Variants in KCNH7 observed in about 807,000 individuals in gnomAD.
KCNH7 encodes potassium voltage-gated channel subfamily H member 7, also known as voltage-gated inwardly rectifying potassium channel KCNH7.
In KCNH7, 49 loss-of-function variants were observed where a neutral mutation model predicts 120.8. The observed-to-expected ratio is 0.41, with a 90% CI of 0.32 to 0.51. The LOEUF is 0.51. Among genes scored for constraint, KCNH7 ranks in the 20% least tolerant of loss-of-function variants. KCNH7 has a pLI of 0.38. For synonymous variants in KCNH7, 547 were observed against 516.1 expected (o/e 1.06, Z -0.81); for missense variants, 1,097 against 1,446.6 (o/e 0.76, Z 3.92).
chr2:162,565,958 A>G (rs192611807), intron 2 of KCNH7, among the ~76,000 whole-genome samples: 1 of 152,226 alleles, frequency 6.6e-6, no homozygotes, highest in Admixed American at 6.6e-5. Flanking sequence ...AAAGAGTATA[A>G]TAGCTATAAG....
chr2:162,572,910 G>A (rs1365944795), intron 2 of KCNH7, among the ~76,000 whole-genome samples: 2 of 152,022 alleles, frequency 1.3e-5, no homozygotes, highest in Non-Finnish European at 2.9e-5. Context: ...GGTGGGAGAA[G>A]GGCGGAGGGA....
rs2105399549 is a variant in KCNH7, at chr2:162,378,672, T to G, written c.3131+1181A>C. On this transcript the variant is annotated intron_variant, in intron 14 of 15. Coordinates refer to ENST00000332142, the MANE Select transcript of KCNH7 (RefSeq NM_033272.4). ...ACATAGAGATGGAAAGAACAAATTA[T>G]TCTCAGGTCACCTCTAGGTAAACAA... 2.6e-5 allele frequency among the ~76,000 whole-genome samples: 4 copies of G among 152,326 alleles called. No individual in the cohort carries two copies. The Middle Eastern group carries it at 0.014, about 518-fold the overall frequency.
chr2:162,569,259 A>G (rs1231825478), intron 2 of KCNH7, among the ~76,000 whole-genome samples: 2 of 151,830 alleles, frequency 1.3e-5, no homozygotes, highest in African/African-American at 4.8e-5. Flanking sequence ...TAGTCTTGGG[A>G]GAGTGTATGT....
chr2:162,720,792 CTTGT>C (rs1170143161), intron 2 of KCNH7, among the ~76,000 whole-genome samples: 1 of 152,014 alleles, frequency 6.6e-6, no homozygotes, highest in African/African-American at 2.4e-5. Flanking sequence ...AGAAACCTCA[CTTGT>C]TTGTCTTCGA....
intron 3 of KCNH7, among the ~76,000 whole-genome samples, chr2:162,519,623 G>T (rs1335319342): frequency 6.6e-6 from 1 of 151,648 alleles, no homozygotes; most frequent in Non-Finnish European, 1.5e-5. Flanking sequence ...AAACATAGGA[G>T]AAAGTATCCA....
intron 2 of KCNH7, among the ~76,000 whole-genome samples, chr2:162,623,298 G>A (rs1683428152): frequency 6.6e-6 from 1 of 152,246 alleles, no homozygotes; most frequent in East Asian, 1.9e-4. Context: ...AAAACTGTTT[G>A]CCTAGAGATA....
chr2:162,687,990 TA>T (rs879364364), intron 2 of KCNH7, among the ~76,000 whole-genome samples: 2 of 152,180 alleles, frequency 1.3e-5, no homozygotes, highest in African/African-American at 2.4e-5. Flanking sequence ...TTACTAGTGA[TA>T]ATTTATAATA....
intron 2 of KCNH7, among the ~76,000 whole-genome samples, chr2:162,749,943 C>G (rs10199259): frequency 0.29 from 43,974 of 151,958 alleles, 10,805 homozygotes; most frequent in African/African-American, 0.66. Flanking sequence ...TTTTTAATAA[C>G]TAAACAATTT....
At chr2:162,545,031 G>A (rs544528890) in intron 2 of KCNH7, among the ~76,000 whole-genome samples, 1 of 152,160 alleles carries the variant, frequency 6.6e-6, no homozygotes, top group South Asian at 2.1e-4. Flanking sequence ...TGTTTCTCAG[G>A]AGAAAACCTT....
intron 2 of KCNH7, among the ~76,000 whole-genome samples, chr2:162,626,668 T>C (rs1034577258): frequency 5.9e-5 from 9 of 152,138 alleles, no homozygotes; most frequent in Non-Finnish European, 2.9e-5. Context: ...TAGGAATAGG[T>C]GCTATCACTG....
At chr2:162,623,357 G>A (rs769046927) in intron 2 of KCNH7, among the ~76,000 whole-genome samples, 26 of 151,988 alleles carry the variant, frequency 1.7e-4, no homozygotes, top group Admixed American at 3.3e-4. Context: ...AGTGTAAAGT[G>A]GCTTAGTATT....
At chr2:162,791,410 C>T (rs771681589) in intron 2 of KCNH7, among the ~76,000 whole-genome samples, 7 of 152,010 alleles carry the variant, frequency 4.6e-5, no homozygotes, top group Non-Finnish European at 8.8e-5. Context: ...TTCTTCTTAT[C>T]CATGAGCACA....
chr2:162,760,913 T>C (rs1300366527), intron 2 of KCNH7, among the ~76,000 whole-genome samples: 1 of 152,158 alleles, frequency 6.6e-6, no homozygotes, highest in East Asian at 1.9e-4. Flanking sequence ...CTTTCACTTA[T>C]GAACAATACA....
chr2:162,753,712 G>A (rs1387180953), intron 2 of KCNH7, among the ~76,000 whole-genome samples: 1 of 152,030 alleles, frequency 6.6e-6, no homozygotes, highest in African/African-American at 2.4e-5. Context: ...TCATTTTATA[G>A]TTTTTAGATT....
At chr2:162,571,379 C>T (rs1161856233) in intron 2 of KCNH7, among the ~76,000 whole-genome samples, 3 of 151,286 alleles carry the variant, frequency 2.0e-5, no homozygotes, top group African/African-American at 4.9e-5. Context: ...CAAACCACTG[C>T]TCAATGAAAT....
chr2:162,793,565 C>A (rs934013311), intron 2 of KCNH7, among the ~76,000 whole-genome samples: 1 of 151,670 alleles, frequency 6.6e-6, no homozygotes, highest in African/African-American at 2.4e-5. Flanking sequence ...CTATAAAACA[C>A]AGATAAATGG....
chr2:162,384,903 G>T lies in KCNH7; in HGVS notation c.2747C>A (p.Thr916Asn). ...STNDPEDSAD[T>N]IRHYQSSKRH... ...CTTGGAACTCTGATAATGTCTTATGGTATCTGCAGAGTCTTCAGGATCATT... is the reference window on the plus strand; with the variant it reads ...CTTGGAACTCTGATAATGTCTTATGTTATCTGCAGAGTCTTCAGGATCATT... The change falls in exon 13 of 16, where the codon ACC becomes AAC. Residue 916 changes from threonine (T) to asparagine (N), a missense_variant. This residue lies in a region of KCNH7 where 406 missense variants were observed against 410.5 expected (regional missense o/e 0.99). Transcript: ENST00000332142. 2 of 1,611,728 alleles carry T rather than the reference G, an allele frequency of 1.2e-6. No homozygotes were observed. Among genetic ancestry groups the T allele is most frequent in the Non-Finnish European group, 1.7e-6 (2 of 1,178,438 alleles).
intron 2 of KCNH7, among the ~76,000 whole-genome samples, chr2:162,625,992 G>T (rs751584817): frequency 6.6e-6 from 1 of 152,132 alleles, no homozygotes; most frequent in Admixed American, 6.6e-5. Context: ...TATTGCCACA[G>T]AGCTAGGACT....
At chr2:162,620,849 A>G (rs1011687938) in intron 2 of KCNH7, among the ~76,000 whole-genome samples, 1 of 152,138 alleles carries the variant, frequency 6.6e-6, no homozygotes, top group African/African-American at 2.4e-5. Flanking sequence ...CCTTTGCTCA[A>G]TAATGCAGGA....
Sources: gnomAD v4.1 joint callset for allele counts (sites outside exome capture counted in the v4.1 genomes callset) on GRCh38, gnomAD v4.1.1 for gene constraint, gnomAD v4.1.1 regional missense constraint, MANE v1.5 for transcripts, NCBI Gene and HGNC (gene_info 2026-07-23, HGNC 2026-07-21) for gene names.